The following PSMF1 variants were observed in gnomAD, a reference collection of about 807,000 sequenced individuals.
PSMF1 encodes proteasome inhibitor PI31 subunit.
A neutral mutation model predicts 29.3 loss-of-function variants in PSMF1; 30 were observed. The ratio of observed to expected loss-of-function variants is 1.02; its 90% CI spans 0.77 to 1.39. PSMF1 has a LOEUF of 1.39. Ranked by LOEUF, PSMF1 falls within the 40% of genes most tolerant of loss-of-function variation. The pLI, the probability that PSMF1 is intolerant of heterozygous loss-of-function variation, is 0.00. For synonymous variants in PSMF1, 134 were observed against 139.7 expected (o/e 0.96, Z 0.29); for missense variants, 344 against 357.5 (o/e 0.96, Z 0.31).
At chr20:1,134,109 C>G (rs1236380102) in intron 3 of PSMF1, among the ~76,000 whole-genome samples, 1 of 151,386 alleles carries the variant, frequency 6.6e-6, no homozygotes, top group African/African-American at 2.4e-5. Flanking sequence ...CTGTTCTTAC[C>G]TTTATTACTT....
Position 1,135,298 on chromosome 20 carries a change from G to C in PSMF1, c.543G>C (p.Gln181His), listed in dbSNP as rs2086292089. Residue 181 changes from glutamine to histidine, a missense_variant, in exon 4 of 7, where the codon CAG becomes CAC. Transcript: ENST00000335877. ...IPPHHPHTSR[Q>H]PPWCDPLGPF... is the part of the protein sequence containing the mutation. The stretch of plus-strand genomic sequence containing the variant: ...CACACCACCCACACACCAGTCGGCA[G>C]CCTCCCTGGTGAGTACAGAGTGCCT... 1 of 1,611,440 alleles carries C rather than the reference G, an allele frequency of 6.2e-7. No individual in the cohort carries two copies. The highest frequency in any genetic ancestry group is 8.5e-7 in the Non-Finnish European group (1 of 1,178,614).
At chr20:1,128,437 C>G (rs1408994897) in intron 3 of PSMF1, among the ~76,000 whole-genome samples, 1 of 152,178 alleles carries the variant, frequency 6.6e-6, no homozygotes, top group African/African-American at 2.4e-5. Context: ...TTTATTTGAT[C>G]CTAGAATACA....
chr20:1,126,503 A>G (rs1228518336), intron 2 of PSMF1, among the ~76,000 whole-genome samples: 1 of 152,076 alleles, frequency 6.6e-6, no homozygotes, highest in East Asian at 1.9e-4. Context: ...GAACATTTAG[A>G]TCTCGTGTCA....
Position 1,171,587 on chromosome 20 carries a change from A to T in PSMF1, c.*6507A>T, listed in dbSNP as rs184487495. On this transcript the variant is annotated 3_prime_UTR_variant, in exon 7 of 7. Transcript: ENST00000335877. ...TCATGGAGGTCCCTGAGTGACAAAA[A>T]TATGCAGGACCCCTTCTTTCCCCCT... Among the ~76,000 whole-genome samples, 1,245 of 152,306 alleles carry T rather than the reference A, an allele frequency of 8.2e-3. 9 individuals carry two copies. Among genetic ancestry groups the T allele is most frequent in the Non-Finnish European group, 0.012 (823 of 68,032 alleles).
At chr20:1,162,325 G>GT (rs931761812) in intron 4 of PSMF1, among the ~76,000 whole-genome samples, 6 of 151,348 alleles carry the variant, frequency 4.0e-5, no homozygotes, top group African/African-American at 7.3e-5. Context: ...AACAAATTTT[G>GT]TTTTTTTTCA....
chr20:1,119,971 T>C (rs1321595866), intron 1 of PSMF1, among the ~76,000 whole-genome samples: 1 of 143,906 alleles, frequency 6.9e-6, no homozygotes, highest in Non-Finnish European at 1.6e-5. Flanking sequence ...TTTTTTAGCT[T>C]CTCAAATAGA....
rs2086694470 is a variant in PSMF1, at chr20:1,163,655, A to ATTTTT, written c.605+472_605+473insTTTTT. Among the ~76,000 whole-genome samples, 1 of 152,178 alleles carries ATTTTT rather than the reference A, an allele frequency of 6.6e-6. No individual in the cohort carries two copies. The highest frequency in any genetic ancestry group is 6.5e-5 in the Admixed American group (1 of 15,286). ...AGATTTTAACCTCTGCTACAAAGTG[A>ATTTTT]CCCCGACTTCAGCATCTCATTTGTA... On this transcript the variant is annotated intron_variant, in intron 5 of 6. Coordinates refer to ENST00000335877, the MANE Select transcript of PSMF1 (RefSeq NM_006814.5). This position sits in a 1 kb window ranked among gnomAD's most constrained non-coding sequence, Gnocchi z 6.1.
rs149328389 is a variant in PSMF1, at chr20:1,135,127, C to T, written c.372C>T (p.Tyr124=). 1 of 1,614,208 alleles carries T rather than the reference C, an allele frequency of 6.2e-7. No individual in the cohort carries two copies. Among genetic ancestry groups the T allele is most frequent in the South Asian group, 1.1e-5 (1 of 91,084 alleles). ...CTTCATCTGCTTCCTGCAGGACCTA[C>T]AAGAACAGTGAGGAGCTTCGGTCTC... ...AEHLGDFHRT[Y]KNSEELRSRI... The change falls in exon 4 of 7, where the codon TAC becomes TAT. Residue 124 remains tyrosine, a synonymous_variant. Coordinates refer to ENST00000335877, the MANE Select transcript of PSMF1 (RefSeq NM_006814.5).
chr20:1,116,022 T>C (rs1022337164), upstream of PSMF1, among the ~76,000 whole-genome samples: 9 of 144,178 alleles, frequency 6.2e-5, no homozygotes, highest in Non-Finnish European at 1.3e-4. Context: ...TGAGCCACCA[T>C]GCCTGGCCAG....
intron 3 of PSMF1, among the ~76,000 whole-genome samples, chr20:1,134,516 G>A (rs1050904240): frequency 2.0e-5 from 3 of 152,062 alleles, no homozygotes; most frequent in African/African-American, 7.2e-5. Context: ...CAGTGTTTTA[G>A]GAAGCCTGGA....
chr20:1,134,954 C>G (rs1468354093), intron 3 of PSMF1, 167 bp from the exon 4 acceptor site: 1 of 725,414 alleles, frequency 1.4e-6, no homozygotes, highest in African/African-American at 1.7e-5. Context: ...GGCTGTTGCC[C>G]CCCTCACCCA....
In PSMF1 at chr20:1,163,316, C is replaced by T. The variant is rs982470152; in HGVS notation, c.605+133C>T. 1 of 1,016,512 alleles carries T rather than the reference C, an allele frequency of 9.8e-7. No homozygotes were observed. The highest frequency in any genetic ancestry group is 1.5e-6 in the Non-Finnish European group (1 of 675,234). 63.0% of individuals were successfully genotyped at this position (1,016,512 alleles called of 1,614,324 possible). On this transcript the variant is annotated intron_variant, in intron 5 of 6. Coordinates refer to ENST00000335877, the MANE Select transcript of PSMF1 (RefSeq NM_006814.5). The surrounding 1 kb of genome is among the most constrained non-coding windows in gnomAD (Gnocchi z 6.1). ...GGAGGAGGCAGTTGTTGCTGAGCAG[C>T]TGAGAAAGCACTGCCACATACGCTG...
At chr20:1,116,110 T>A (rs1392681488), upstream of PSMF1, among the ~76,000 whole-genome samples, 5 of 151,626 alleles carry the variant, frequency 3.3e-5, no homozygotes, top group Admixed American at 3.3e-4. Context: ...TGGCCCACAG[T>A]AGGCACTTAG....
At chr20:1,133,571 T>TATATATATATATATATATATATATA (rs1568469077) in intron 3 of PSMF1, among the ~76,000 whole-genome samples, 1 of 44,122 alleles carries the variant, frequency 2.3e-5, no homozygotes, top group African/African-American at 8.3e-5. Flanking sequence ...ATATATATAT[T>TATATATATATATATATATATATATA]TTTTTTTTTT....
At position 1,170,765 on chromosome 20, in the gene PSMF1, A is replaced by G. The variant is rs1400983103; in HGVS notation, c.*5685A>G. Among the ~76,000 whole-genome samples the G allele has an allele frequency of 6.6e-6, 1 of 151,718 alleles. No homozygotes were observed. Among genetic ancestry groups the G allele is most frequent in the Non-Finnish European group, 1.5e-5 (1 of 67,916 alleles). On this transcript the variant is annotated 3_prime_UTR_variant, in exon 7 of 7. Coordinates refer to ENST00000335877, the MANE Select transcript of PSMF1 (RefSeq NM_006814.5). ...TGGGGCTCGGTGGGTGCTTGCTGCAATTGTTACTAAAGTCATATGGGTAGA... is the reference window on the plus strand; with the variant it reads ...TGGGGCTCGGTGGGTGCTTGCTGCAGTTGTTACTAAAGTCATATGGGTAGA...
intron 4 of PSMF1, among the ~76,000 whole-genome samples, chr20:1,151,996 T>C (rs921757293): frequency 3.3e-5 from 5 of 152,090 alleles, no homozygotes; most frequent in African/African-American, 1.2e-4. Context: ...GCTAAGAAGC[T>C]GGATTTGATC....
intron 3 of PSMF1, among the ~76,000 whole-genome samples, chr20:1,131,650 G>A (rs975309492): frequency 6.6e-6 from 1 of 152,190 alleles, no homozygotes; most frequent in Non-Finnish European, 1.5e-5. Context: ...GGTCATTGTG[G>A]CATGTCTTGC....
intron 3 of PSMF1, among the ~76,000 whole-genome samples, chr20:1,129,005 A>G (rs2086195963): frequency 6.6e-6 from 1 of 151,906 alleles, no homozygotes; most frequent in Non-Finnish European, 1.5e-5. Context: ...CCTCCCGAGT[A>G]GCTGGGACTA....
intron 4 of PSMF1, chr20:1,161,317 C>T (rs1600174528): frequency 6.2e-6 from 2 of 321,244 alleles, no homozygotes; most frequent in East Asian, 1.4e-4. Context: ...CAGGTGATCA[C>T]CATTGGCAAC....
Sources: gnomAD v4.1 joint callset for allele counts (sites outside exome capture counted in the v4.1 genomes callset) on GRCh38, gnomAD v4.1.1 for gene constraint, Gnocchi (gnomAD v3.1) non-coding constraint, MANE v1.5 for transcripts, NCBI Gene and HGNC (gene_info 2026-07-23, HGNC 2026-07-21) for gene names.